Variants in ATXN7 observed in about 807,000 individuals in gnomAD.
ATXN7 encodes the protein ataxin 7.
A neutral mutation model predicts 70.5 loss-of-function variants in ATXN7; 12 were observed. The observed-to-expected ratio is 0.17, with a 90% CI of 0.11 to 0.28. The LOEUF (loss-of-function observed/expected upper bound fraction) is 0.28, where lower values mean the gene tolerates loss of function less well. ATXN7 is among the 10% of genes least tolerant of loss of function. The pLI is 1.00. For missense variants in ATXN7, 1,256 were observed against 1,131.7 expected (o/e 1.11, Z -1.58); for synonymous variants, 498 against 448.7 (o/e 1.11, Z -1.39).
chr3:63,908,351 C>T (rs930167789), intron 2 of ATXN7, among the ~76,000 whole-genome samples: 1 of 152,168 alleles, frequency 6.6e-6, no homozygotes, highest in African/African-American at 2.4e-5. Context: ...CTGGCTCTCT[C>T]TGGAGAAGAA....
At position 63,990,305 on chromosome 3, in the gene ATXN7, C is replaced by T. The variant is rs1202192568; in HGVS notation, c.1491C>T (p.Gly497=). 1.2e-6 allele frequency: 2 copies of T among 1,614,020 alleles called. No individual in the cohort carries two copies. Among genetic ancestry groups the T allele is most frequent in the Non-Finnish European group, 1.7e-6 (2 of 1,180,056 alleles). ...GGTTATCCAGTGAGGAGGGCGAAGG[C>T]GATGACAAAGAAGAGTCTGTTGAAA... ...ASRLSSEEGE[G]DDKEESVEKL... The change falls in exon 10 of 13, where the codon GGC becomes GGT. Residue 497 remains glycine, a synonymous_variant. Coordinates refer to ENST00000674280, the MANE Select transcript of ATXN7 (RefSeq NM_001377405.1).
At chr3:63,987,842 A>G (rs1440553649) in intron 8 of ATXN7, among the ~76,000 whole-genome samples, 1 of 152,142 alleles carries the variant, frequency 6.6e-6, no homozygotes, top group African/African-American at 2.4e-5. Flanking sequence ...TAACATTTCC[A>G]GATTCTTCTG....
chr3:63,882,385 CTTTTT>C (rs1164256938), intron 1 of ATXN7, among the ~76,000 whole-genome samples: 1 of 128,830 alleles, frequency 7.8e-6, no homozygotes. Flanking sequence ...GCCTTTGATT[CTTTTT>C]TTTTTTTTTT....
At chr3:63,940,461 T>C (rs2074739102) in intron 4 of ATXN7, among the ~76,000 whole-genome samples, 1 of 152,136 alleles carries the variant, frequency 6.6e-6, no homozygotes, top group Non-Finnish European at 1.5e-5. Context: ...AGCCATGGAA[T>C]TTACACAATA....
At chr3:63,866,503 G>T (rs570765732) in intron 1 of ATXN7, among the ~76,000 whole-genome samples, 1 of 152,062 alleles carries the variant, frequency 6.6e-6, no homozygotes. Context: ...CGATCCTCCC[G>T]CCTCAGCCTC....
At chr3:63,882,234 C>T (rs1177325501) in intron 1 of ATXN7, among the ~76,000 whole-genome samples, 1 of 152,146 alleles carries the variant, frequency 6.6e-6, no homozygotes, top group African/African-American at 2.4e-5. Context: ...CCTCTCTAGC[C>T]TGTTTCTCAT....
chr3:63,969,493 A>G (rs111811300), intron 5 of ATXN7, among the ~76,000 whole-genome samples: 198 of 152,340 alleles, frequency 1.3e-3, no homozygotes, highest in African/African-American at 4.5e-3. Flanking sequence ...AAACAGAAAC[A>G]ACCAAACAAA....
chr3:63,955,878 A>T (rs191595665), intron 5 of ATXN7, among the ~76,000 whole-genome samples: 1 of 152,356 alleles, frequency 6.6e-6, no homozygotes, highest in African/African-American at 2.4e-5. Context: ...CACTGCTACC[A>T]GGACAAGAAA....
Position 63,961,943 on chromosome 3 carries a change from G to A in ATXN7, c.499+9460G>A, listed in dbSNP as rs181949119. Among the ~76,000 whole-genome samples the A allele has an allele frequency of 3.9e-5, 6 of 152,142 alleles. No homozygotes were observed. The East Asian group carries it at 5.8e-4, about 15-fold the overall frequency. ...GTCATTTCACAAGACTAATTTGTAC[G>A]ATGACTAAGATAAACACACCTGCGA... is the stretch of plus-strand genomic sequence containing the variant. On this transcript the variant is annotated intron_variant, in intron 5 of 12. Transcript: ENST00000674280.
intron 9 of ATXN7, among the ~76,000 whole-genome samples, chr3:63,988,733 T>G (rs560063537): frequency 1.1e-4 from 17 of 152,332 alleles, no homozygotes; most frequent in African/African-American, 3.8e-4. Flanking sequence ...CCTGAGTTTT[T>G]ACAGCATCCG....
chr3:63,956,921 A>G lies in ATXN7; in HGVS notation c.499+4438A>G, dbSNP rs144159940. Among the ~76,000 whole-genome samples the G allele has an allele frequency of 2.0e-5, 3 of 152,314 alleles. No individual in the cohort carries two copies. The East Asian group carries it at 5.8e-4, about 29-fold the overall frequency. ...TGACGTTCCGAAAGTCAGAAGCCCC[A>G]TTCTTTTGAGGTGGGAATCTTAAGT... On this transcript the variant is annotated intron_variant, in intron 5 of 12. Coordinates refer to ENST00000674280, the MANE Select transcript of ATXN7 (RefSeq NM_001377405.1).
At chr3:63,902,852 AATCTTTAT>A (rs1703696854) in intron 2 of ATXN7, among the ~76,000 whole-genome samples, 2 of 152,186 alleles carry the variant, frequency 1.3e-5, no homozygotes, top group Admixed American at 1.3e-4. Flanking sequence ...TTCAAAAAAA[AATCTTTAT>A]AAAAGGATAA....
Position 63,944,091 on chromosome 3 carries a change from A to G in ATXN7, c.395-8288A>G, listed in dbSNP as rs142904014. On this transcript the variant is annotated intron_variant, in intron 4 of 12. Coordinates refer to ENST00000674280, the MANE Select transcript of ATXN7 (RefSeq NM_001377405.1). ...GGAGTGTGTGGCCAGCAGTAGGAGC[A>G]CAAGACCACTTGAGAGTTAAGCTCA... Among the ~76,000 whole-genome samples, 465 of 152,300 alleles carry G rather than the reference A, an allele frequency of 3.1e-3. 5 individuals are homozygous for G. The highest frequency in any genetic ancestry group is 0.014 in the Middle Eastern group (4 of 294).
chr3:63,885,945 A>G (rs1699269586), intron 1 of ATXN7, among the ~76,000 whole-genome samples: 1 of 152,184 alleles, frequency 6.6e-6, no homozygotes, highest in African/African-American at 2.4e-5. Flanking sequence ...TCAACCTGGG[A>G]GGTGAAGTTT....
chr3:63,947,559 T>C (rs2074884273), intron 4 of ATXN7, among the ~76,000 whole-genome samples: 2 of 152,154 alleles, frequency 1.3e-5, no homozygotes, highest in Non-Finnish European at 1.5e-5. Flanking sequence ...GCCACTGCAC[T>C]CCAGCCTGGG....
At chr3:63,960,916 A>G (rs962008525) in intron 5 of ATXN7, among the ~76,000 whole-genome samples, 2 of 152,110 alleles carry the variant, frequency 1.3e-5, no homozygotes, top group African/African-American at 4.8e-5. Context: ...GCCAGGAAAC[A>G]AAAGATACTG....
chr3:63,866,312 A>T (rs2107188403), intron 1 of ATXN7, among the ~76,000 whole-genome samples: 1 of 152,284 alleles, frequency 6.6e-6, no homozygotes, highest in Non-Finnish European at 1.5e-5. Context: ...CAGTGGCACG[A>T]TCATCAGGGC....
At chr3:63,993,275 ATTT>A (rs556994956) in intron 11 of ATXN7, among the ~76,000 whole-genome samples, 9 of 116,002 alleles carry the variant, frequency 7.8e-5, no homozygotes, top group Admixed American at 8.8e-5. Context: ...TTGTTGGTGT[ATTT>A]TTTTTTTTTT....
intron 1 of ATXN7, among the ~76,000 whole-genome samples, chr3:63,879,841 T>G (rs931552643): frequency 1.3e-5 from 2 of 151,992 alleles, no homozygotes. Flanking sequence ...CCTAGCACTT[T>G]GGGAGGCCGA....
Sources: allele counts gnomAD v4.1 joint callset (sites outside exome capture counted in the v4.1 genomes callset), GRCh38; gene constraint gnomAD v4.1.1; transcripts MANE v1.5; gene names NCBI Gene and HGNC (gene_info 2026-07-23, HGNC 2026-07-21).